RANBP2: variants seen among roughly 807,000 people sequenced by gnomAD.
RANBP2 encodes the protein RAN binding protein 2, also known as E3 SUMO-protein ligase RanBP2.
RANBP2 carries 57 observed loss-of-function variants against 303.6 expected under a neutral mutation model. The ratio of observed to expected loss-of-function variants is 0.19; its 90% confidence interval spans 0.15 to 0.23. The LOEUF (loss-of-function observed/expected upper bound fraction) is 0.23. Ranked by LOEUF, RANBP2 falls within the 10% of genes least tolerant of loss-of-function variation. The probability of loss-of-function intolerance (pLI) is 1.00; values close to 1 mark genes in which losing one functional copy is unlikely to be tolerated. For missense variants in RANBP2, 3,138 were observed against 3,780.8 expected, an observed-to-expected ratio of 0.83 and a Z score of 4.46; for synonymous variants, 1,167 against 1,301.5, an observed-to-expected ratio of 0.90 and a Z score of 2.23.
At chr2:108,816,079 A>C in the RANBP2 span, 1 of 1,612,084 alleles carries the variant, frequency 6.2e-7, no homozygotes, top group Middle Eastern at 1.7e-4. Context: ...TTCCCAGAGA[A>C]ATGATATTCA....
the RANBP2 span, among the ~76,000 whole-genome samples, chr2:109,031,673 C>G: frequency 2.0e-5 from 3 of 152,158 alleles, no homozygotes; most frequent in African/African-American, 7.2e-5. Flanking sequence ...GAGAGCGCCG[C>G]TTCAGCGTCG....
chr2:109,683,308 G>T, the RANBP2 span, among the ~76,000 whole-genome samples: 3 of 152,152 alleles, frequency 2.0e-5, no homozygotes, highest in East Asian at 3.9e-4. Flanking sequence ...GCCCAGCCTA[G>T]AAGTAGGGTA....
chr2:109,036,212 T>C, the RANBP2 span, among the ~76,000 whole-genome samples: 1 of 152,136 alleles, frequency 6.6e-6, no homozygotes, highest in Non-Finnish European at 1.5e-5. Context: ...CTACAGAAAT[T>C]AAAGTTATAA....
At chr2:109,614,821 G>T in the RANBP2 span, 1 of 1,438,246 alleles carries the variant, frequency 7.0e-7, no homozygotes. Flanking sequence ...GGCCCTGCCG[G>T]GCCCGAGGCG....
chr2:109,653,350 G>A, the RANBP2 span, among the ~76,000 whole-genome samples: 4 of 151,424 alleles, frequency 2.6e-5, no homozygotes, highest in Admixed American at 6.6e-5. Context: ...AGCCGAGTTC[G>A]CGGCACCCTA....
intron 1 of RANBP2, among the ~76,000 whole-genome samples, chr2:108,727,933 T>C (rs1694861756): frequency 6.6e-6 from 1 of 151,920 alleles, no homozygotes; most frequent in African/African-American, 2.4e-5. Flanking sequence ...GACTTTGGAG[T>C]TTATGTAACC....
the RANBP2 span, among the ~76,000 whole-genome samples, chr2:108,920,757 A>G: frequency 6.6e-6 from 1 of 152,188 alleles, no homozygotes; most frequent in African/African-American, 2.4e-5. Flanking sequence ...ATTTCTCCTC[A>G]GGGTTATTTG....
chr2:109,575,769 G>C, the RANBP2 span, among the ~76,000 whole-genome samples: 1 of 152,198 alleles, frequency 6.6e-6, no homozygotes, highest in Admixed American at 6.5e-5. Context: ...GCCCTATAAT[G>C]AACCAGTACC....
At chr2:109,293,085 G>T in the RANBP2 span, among the ~76,000 whole-genome samples, 1 of 152,182 alleles carries the variant, frequency 6.6e-6, no homozygotes, top group Non-Finnish European at 1.5e-5. Context: ...CCCTGCACAA[G>T]CAGGAAGGAC....
At chr2:109,751,442 G>A in the RANBP2 span, among the ~76,000 whole-genome samples, 2 of 147,676 alleles carry the variant, frequency 1.4e-5, no homozygotes, top group Non-Finnish European at 3.0e-5. Context: ...TGCCATGTAA[G>A]GTTATCTAAT....
the RANBP2 span, among the ~76,000 whole-genome samples, chr2:109,483,969 T>C: frequency 1.3e-5 from 2 of 151,728 alleles, no homozygotes; most frequent in African/African-American, 4.8e-5. Context: ...TGCCTCCACC[T>C]CTATCTCAGC....
At chr2:109,297,931 T>TC in the RANBP2 span, among the ~76,000 whole-genome samples, 68 of 149,234 alleles carry the variant, frequency 4.6e-4, no homozygotes, top group African/African-American at 6.9e-4. Flanking sequence ...AGATGTGTGT[T>TC]CCCCCCCCAC....
chr2:108,776,097 T>A (rs745676553), intron 24 of RANBP2, among the ~76,000 whole-genome samples, 161 bp downstream of exon 24: 57 of 152,186 alleles, frequency 3.7e-4, no homozygotes, highest in Non-Finnish European at 7.6e-4. Flanking sequence ...AGAAAAATTA[T>A]ACTGTGTTGC....
Position 108,775,889 on chromosome 2 carries a change from T to C in RANBP2, c.8450T>C (p.Val2817Ala). 2 of 1,612,882 alleles carry C rather than the reference T, an allele frequency of 1.2e-6. No homozygotes were observed. The highest frequency in any genetic ancestry group is 1.7e-6 in the Non-Finnish European group (2 of 1,179,886). ...SVSSETMDKP[V>A]DLSTRKEIDT... ...TCCTCTGAAACTATGGACAAACCTG[T>C]AGATTTGTCAACTAGAAAGGAAATT... The change falls in exon 24 of 29, where the codon GTA becomes GCA. Residue 2817 changes from valine to alanine, a missense_variant. Physicochemically the swap from Val to Ala is moderately conservative, Grantham distance 64. Transcript: ENST00000283195.
the RANBP2 span, among the ~76,000 whole-genome samples, chr2:109,535,270 C>T: frequency 9.9e-5 from 15 of 152,176 alleles, no homozygotes; most frequent in East Asian, 5.8e-4. Context: ...TGAAGTATAA[C>T]GTGGCAGAAA....
the RANBP2 span, among the ~76,000 whole-genome samples, chr2:109,607,138 C>T: frequency 6.6e-6 from 1 of 152,122 alleles, no homozygotes; most frequent in South Asian, 2.1e-4. Context: ...TTGTAAAAAG[C>T]TTTCATTCTA....
chr2:108,787,623 C>G (rs1353655766), downstream of RANBP2, among the ~76,000 whole-genome samples: 2 of 152,100 alleles, frequency 1.3e-5, no homozygotes, highest in South Asian at 2.1e-4. Context: ...GCAGATCCGA[C>G]CCAAGAACGA....
At chr2:109,258,144 G>A in the RANBP2 span, among the ~76,000 whole-genome samples, 1 of 152,140 alleles carries the variant, frequency 6.6e-6, no homozygotes, top group Non-Finnish European at 1.5e-5. Context: ...ACTGGTAGCT[G>A]GTAAGACTTT....
the RANBP2 span, among the ~76,000 whole-genome samples, chr2:109,173,203 T>C: frequency 2.0e-5 from 3 of 152,208 alleles, no homozygotes; most frequent in African/African-American, 7.2e-5. Context: ...GACTGAGTCA[T>C]GGTTCTTAGA....
Sources: allele counts gnomAD v4.1 joint callset (sites outside exome capture counted in the v4.1 genomes callset), GRCh38; gene constraint gnomAD v4.1.1; transcripts MANE v1.5; gene names NCBI Gene and HGNC (gene_info 2026-07-23, HGNC 2026-07-21).